SLC41A2: variants seen among roughly 807,000 people sequenced by gnomAD.
The protein encoded by SLC41A2 is solute carrier family 41 member 2.
A neutral mutation model predicts 58.3 loss-of-function variants in SLC41A2; 32 were observed. The observed-to-expected ratio is 0.55, with a 90% CI of 0.41 to 0.74. The LOEUF (loss-of-function observed/expected upper bound fraction) is 0.74, where lower values mean the gene tolerates loss of function less well. SLC41A2 is among the 30% of genes least tolerant of loss of function. The pLI is 0.00. For missense variants in SLC41A2, 514 were observed against 680.6 expected (o/e 0.76, Z 2.72); for synonymous variants, 190 against 235.0 (o/e 0.81, Z 1.75).
intron 2 of SLC41A2, among the ~76,000 whole-genome samples, chr12:104,914,274 T>A (rs192891665): frequency 5.6e-4 from 85 of 152,310 alleles, no homozygotes; most frequent in Non-Finnish European, 8.5e-4. Context: ...TTGAAGAACT[T>A]ATACAGGTAA....
At chr12:104,883,889 C>T (rs1258794797) in intron 6 of SLC41A2, among the ~76,000 whole-genome samples, 2 of 152,226 alleles carry the variant, frequency 1.3e-5, no homozygotes, top group South Asian at 4.1e-4. Flanking sequence ...CAGACAGGGA[C>T]GTTTAAGTCC....
At chr12:104,881,192 T>G (rs1360753638) in intron 6 of SLC41A2, among the ~76,000 whole-genome samples, 1 of 152,218 alleles carries the variant, frequency 6.6e-6, no homozygotes, top group Non-Finnish European at 1.5e-5. Context: ...TGCCTCTATT[T>G]GATTCTTCTC....
intron 10 of SLC41A2, among the ~76,000 whole-genome samples, chr12:104,825,660 A>T (rs1165187953): frequency 6.6e-6 from 1 of 152,178 alleles, no homozygotes; most frequent in Non-Finnish European, 1.5e-5. Context: ...GAGACACTCT[A>T]AACAGATACA....
rs920200703 is a variant in SLC41A2 at position 104,904,971 on chromosome 12, A to C, written c.663+4684T>G. 2.0e-5 allele frequency among the ~76,000 whole-genome samples: 3 copies of C among 152,192 alleles called. No homozygotes were observed. The South Asian group carries it at 6.2e-4, about 32-fold the overall frequency. On this transcript the variant is annotated intron_variant, in intron 3 of 10. Coordinates refer to ENST00000258538, the MANE Select transcript of SLC41A2 (RefSeq NM_001352171.3). ...ATGCTGGCTCGGGTAGCCTGCTTTT[A>C]TTCTCTTATCTGGCCCCACCCACAA...
chr12:104,876,119 T>C (rs1593048853), intron 6 of SLC41A2, among the ~76,000 whole-genome samples: 1 of 152,128 alleles, frequency 6.6e-6, no homozygotes, highest in East Asian at 1.9e-4. Context: ...ATTTCTGAGG[T>C]CTCCACTTTT....
At chr12:104,821,337 G>C (rs1375295974) in intron 10 of SLC41A2, among the ~76,000 whole-genome samples, 1 of 151,968 alleles carries the variant, frequency 6.6e-6, no homozygotes, top group Non-Finnish European at 1.5e-5. Flanking sequence ...AAATGGTTAA[G>C]ATCTTCTTTA....
intron 10 of SLC41A2, among the ~76,000 whole-genome samples, chr12:104,808,323 AT>A (rs2136191353): frequency 6.6e-6 from 1 of 152,318 alleles, no homozygotes; most frequent in Admixed American, 6.5e-5. Context: ...TATTGAGATA[AT>A]CATGTGGTTT....
Position 104,805,056 on chromosome 12 carries a change from AAGTC to A in SLC41A2, c.*92_*95del. 9.0e-7 allele frequency: 1 copy of A among 1,116,122 alleles called. No individual in the cohort carries two copies. 69.1% of individuals were successfully genotyped at this position (1,116,122 alleles called of 1,614,324 possible). A position where few individuals can be genotyped will look rare whatever the true frequency, so the allele number is the denominator to read the frequency against. Reference sequence around the variant, plus strand: ...GGCCAACTGAAGATTACCCTGGCAAAAGTCAAACTACTGATTTAAGAGTTTTGAA... The same window carrying A: ...GGCCAACTGAAGATTACCCTGGCAAAAAACTACTGATTTAAGAGTTTTGAA... On this transcript the variant is annotated 3_prime_UTR_variant, in exon 11 of 11. Transcript: ENST00000258538.
At chr12:104,813,760 T>C (rs1319216729) in intron 10 of SLC41A2, among the ~76,000 whole-genome samples, 1 of 152,136 alleles carries the variant, frequency 6.6e-6, no homozygotes, top group Non-Finnish European at 1.5e-5. Flanking sequence ...CTCAGCCTCC[T>C]GAGTAGCTAG....
At chr12:104,805,373 G>A (rs1482731251) in intron 10 of SLC41A2, 36 bp from the exon 11 acceptor site, 3 of 1,577,422 alleles carry the variant, frequency 1.9e-6, no homozygotes, top group Admixed American at 1.7e-5. Context: ...CCGGCTGCCT[G>A]GACATTCCTA....
chr12:104,882,666 T>C (rs1333655795), intron 6 of SLC41A2, among the ~76,000 whole-genome samples: 9 of 152,184 alleles, frequency 5.9e-5, no homozygotes, highest in Non-Finnish European at 8.8e-5. Context: ...TTCTGGCTTG[T>C]AGAGTTTCTG....
chr12:104,941,390 A>C (rs1380736964), intron 1 of SLC41A2, among the ~76,000 whole-genome samples: 1 of 152,188 alleles, frequency 6.6e-6, no homozygotes, highest in Non-Finnish European at 1.5e-5. Context: ...CATTGAATAA[A>C]TCCTCTATAT....
intron 10 of SLC41A2, among the ~76,000 whole-genome samples, chr12:104,811,438 G>C: frequency 6.6e-6 from 1 of 152,106 alleles, no homozygotes; most frequent in East Asian, 1.9e-4. Flanking sequence ...AAACTATGTT[G>C]TTTATAGATA....
intron 6 of SLC41A2, among the ~76,000 whole-genome samples, chr12:104,881,629 G>A (rs983382268): frequency 2.0e-5 from 3 of 152,184 alleles, no homozygotes; most frequent in Non-Finnish European, 1.5e-5. Context: ...GTGCGGTTTT[G>A]AGTGAGTTTC....
intron 2 of SLC41A2, among the ~76,000 whole-genome samples, chr12:104,926,929 A>T (rs2249941): frequency 0.48 from 71,950 of 150,966 alleles, 17,474 homozygotes; most frequent in Middle Eastern, 0.54. Context: ...CTAAAAAAAA[A>T]TTTTTTTTAA....
At chr12:104,916,379 G>A (rs528759819) in intron 2 of SLC41A2, among the ~76,000 whole-genome samples, 16 of 152,150 alleles carry the variant, frequency 1.1e-4, no homozygotes, top group South Asian at 4.2e-4. Flanking sequence ...GTTAGAATTC[G>A]GCTGTGAATC....
intron 1 of SLC41A2, 39 bp downstream of exon 1, chr12:104,958,049 G>A: frequency 6.6e-6 from 1 of 152,364 alleles, no homozygotes; most frequent in South Asian, 2.1e-4. Flanking sequence ...CCCGAACGCG[G>A]CGCCGCGGCC....
intron 10 of SLC41A2, among the ~76,000 whole-genome samples, chr12:104,823,825 T>C (rs2041735287): frequency 6.6e-6 from 1 of 152,052 alleles, no homozygotes; most frequent in African/African-American, 2.4e-5. Flanking sequence ...AAAGGCAAAA[T>C]TTAAAGATCT....
At chr12:104,919,317 G>A (rs964346462) in intron 2 of SLC41A2, among the ~76,000 whole-genome samples, 1 of 152,214 alleles carries the variant, frequency 6.6e-6, no homozygotes, top group Non-Finnish European at 1.5e-5. Context: ...TTCTTGTAGA[G>A]GATTTGTATG....
Sources: allele counts gnomAD v4.1 joint callset (sites outside exome capture counted in the v4.1 genomes callset), GRCh38; gene constraint gnomAD v4.1.1; transcripts MANE v1.5; gene names NCBI Gene and HGNC (gene_info 2026-07-23, HGNC 2026-07-21).